Variants in AK7 observed in about 807,000 individuals in gnomAD.
AK7 encodes the protein ATP-AMP transphosphorylase 7.
A neutral mutation model predicts 96.6 loss-of-function variants in AK7; 78 were observed. The observed-to-expected ratio is 0.81, with a 90% confidence interval of 0.67 to 0.97. The LOEUF is 0.97. AK7 is among the 50% of genes least tolerant of loss of function. The probability of loss-of-function intolerance (pLI) is 0.00; values close to 1 mark genes in which losing one functional copy is unlikely to be tolerated. For synonymous variants in AK7, 302 were observed against 317.2 expected, an observed-to-expected ratio of 0.95 and a Z score of 0.51; for missense variants, 855 against 887.9, an observed-to-expected ratio of 0.96 and a Z score of 0.47.
intron 5 of AK7, among the ~76,000 whole-genome samples, chr14:96,429,685 G>T (rs964147348): frequency 2.6e-5 from 4 of 152,124 alleles, no homozygotes; most frequent in Non-Finnish European, 5.9e-5. Flanking sequence ...CACATCCCTT[G>T]TAAGTTGGAT....
At chr14:96,416,889 T>A (rs1891378866) in intron 4 of AK7, among the ~76,000 whole-genome samples, 1 of 152,180 alleles carries the variant, frequency 6.6e-6, no homozygotes, top group African/African-American at 2.4e-5. Flanking sequence ...CTGGTTGGAA[T>A]TTATGGGCTC....
chr14:96,443,428 C>T (rs1893062724), intron 7 of AK7, among the ~76,000 whole-genome samples: 1 of 152,158 alleles, frequency 6.6e-6, no homozygotes, highest in South Asian at 2.1e-4. Context: ...GTGGCACATC[C>T]CCAGAAAGGA....
chr14:96,436,617 C>T (rs1303611210), intron 5 of AK7, among the ~76,000 whole-genome samples: 1 of 152,142 alleles, frequency 6.6e-6, no homozygotes, highest in East Asian at 1.9e-4. Context: ...TGCACTCCAG[C>T]CTGGGCAACA....
In AK7 at chr14:96,414,413, G is replaced by A. The variant is rs191228376; in HGVS notation, c.498+5472G>A. On this transcript the variant is annotated intron_variant, in intron 4 of 17. Transcript: ENST00000267584. The stretch of plus-strand genomic sequence containing the variant: ...GGAAATCAGTCTGGTTTAGTCTCTG[G>A]CACAGAGGAAAGATGGCCAGGAGAC... Among the ~76,000 whole-genome samples the A allele has an allele frequency of 9.7e-4, 147 of 152,328 alleles. 1 individual carries two copies. Among genetic ancestry groups the A allele is most frequent in the African/African-American group, 3.4e-3 (142 of 41,568 alleles).
At chr14:96,422,504 C>T (rs745865198) in intron 5 of AK7, among the ~76,000 whole-genome samples, 3 of 152,138 alleles carry the variant, frequency 2.0e-5, no homozygotes, top group African/African-American at 4.8e-5. Context: ...TATGGACAGG[C>T]GCCCCTCATG....
intron 5 of AK7, chr14:96,423,915 T>C: frequency 9.5e-7 from 1 of 1,052,734 alleles, no homozygotes; most frequent in African/African-American, 1.6e-5. Context: ...CGGAGAGGAC[T>C]GTGCCACTGC....
intron 7 of AK7, among the ~76,000 whole-genome samples, chr14:96,444,543 A>C (rs1376029046): frequency 6.6e-6 from 1 of 152,138 alleles, no homozygotes; most frequent in African/African-American, 2.4e-5. Flanking sequence ...ACCAAACTGA[A>C]ACTAAGCTGT....
chr14:96,475,598 C>T (rs977544151), intron 14 of AK7, among the ~76,000 whole-genome samples: 2 of 152,126 alleles, frequency 1.3e-5, no homozygotes, highest in Non-Finnish European at 2.9e-5. Flanking sequence ...CATTCCCAAG[C>T]AAGTTGTTAC....
intron 12 of AK7, among the ~76,000 whole-genome samples, chr14:96,469,881 G>A (rs959313252): frequency 6.6e-6 from 1 of 151,980 alleles, no homozygotes. Flanking sequence ...GCAATGGTGC[G>A]ATCTTGGCTC....
chr14:96,470,232 G>A (rs1894809224), intron 12 of AK7, among the ~76,000 whole-genome samples: 1 of 151,746 alleles, frequency 6.6e-6, no homozygotes, highest in African/African-American at 2.4e-5. Context: ...AGGGAAGGAA[G>A]AGGGGGAGGA....
intron 16 of AK7, 62 bp from the exon 17 acceptor site, chr14:96,486,836 T>C: frequency 6.8e-7 from 1 of 1,475,926 alleles, no homozygotes; most frequent in Non-Finnish European, 9.4e-7. Context: ...TAGGGTGAAC[T>C]GTGTGAGTGT....
chr14:96,470,974 T>C (rs1894851800), intron 12 of AK7, among the ~76,000 whole-genome samples: 1 of 152,200 alleles, frequency 6.6e-6, no homozygotes, highest in South Asian at 2.1e-4. Flanking sequence ...TGCTCTTTCT[T>C]GCAGACAAGT....
intron 6 of AK7, among the ~76,000 whole-genome samples, chr14:96,440,759 C>G (rs951705828): frequency 6.6e-6 from 1 of 152,224 alleles, no homozygotes; most frequent in Non-Finnish European, 1.5e-5. Flanking sequence ...GTTAAGGATG[C>G]ACGCCCAGGA....
In AK7 at chr14:96,451,420, G is replaced by A; in HGVS notation, c.949-1G>A. ...ATCTCTAATTGTCCTCTATCTTTCA[G>A]CAAGATTGTCTTGACCATTTACTGG... On this transcript the variant is annotated splice_acceptor_variant, in intron 9 of 17. Transcript: ENST00000267584. LOFTEE classifies it high-confidence loss of function. 6.4e-7 allele frequency: 1 copy of A among 1,558,480 alleles called. No individual in the cohort carries two copies. Among genetic ancestry groups the A allele is most frequent in the Non-Finnish European group, 8.7e-7 (1 of 1,148,918 alleles).
intron 4 of AK7, among the ~76,000 whole-genome samples, chr14:96,420,544 T>C (rs113915250): frequency 6.7e-6 from 1 of 149,406 alleles, no homozygotes; most frequent in Non-Finnish European, 1.5e-5. Context: ...AAATGAAATA[T>C]AATAAAATAA....
chr14:96,435,764 C>T (rs996625994), intron 5 of AK7, among the ~76,000 whole-genome samples: 1 of 152,144 alleles, frequency 6.6e-6, no homozygotes, highest in Non-Finnish European at 1.5e-5. Context: ...AATGCTCCTT[C>T]CATGGGCTGG....
intron 16 of AK7, among the ~76,000 whole-genome samples, chr14:96,484,292 C>T (rs1236878812): frequency 6.6e-6 from 1 of 152,128 alleles, no homozygotes; most frequent in Non-Finnish European, 1.5e-5. Context: ...CTGTCCCAAG[C>T]TCTCTACTTC....
At chr14:96,424,609 T>G (rs1891917343) in intron 5 of AK7, among the ~76,000 whole-genome samples, 1 of 152,136 alleles carries the variant, frequency 6.6e-6, no homozygotes, top group Admixed American at 6.5e-5. Flanking sequence ...TCGGAGGATA[T>G]TACCATAGGA....
At chr14:96,396,677 A>C (rs1890099658) in intron 1 of AK7, among the ~76,000 whole-genome samples, 1 of 152,248 alleles carries the variant, frequency 6.6e-6, no homozygotes, top group Non-Finnish European at 1.5e-5. Context: ...TATGCTTAAT[A>C]GATAAATTAA....
Sources: gnomAD v4.1 joint callset for allele counts (sites outside exome capture counted in the v4.1 genomes callset) on GRCh38, gnomAD v4.1.1 for gene constraint, MANE v1.5 for transcripts, NCBI Gene and HGNC (gene_info 2026-07-23, HGNC 2026-07-21) for gene names.